Variants in MND1 observed in about 807,000 individuals in gnomAD.
MND1 encodes the protein meiotic nuclear divisions 1, also known as meiotic nuclear division protein 1 homolog.
A neutral mutation model predicts 35.1 loss-of-function variants in MND1; 28 were observed. That is an observed-to-expected ratio of 0.80 (90% CI 0.59 to 1.09). The LOEUF (loss-of-function observed/expected upper bound fraction) is 1.09, where lower values mean the gene tolerates loss of function less well. Among genes scored for constraint, MND1 ranks in the 50% least tolerant of loss-of-function variants. The pLI, the probability that MND1 is intolerant of heterozygous loss-of-function variation, is 0.00. For missense variants in MND1, 213 were observed against 239.6 expected, an observed-to-expected ratio of 0.89 and a Z score of 0.73; for synonymous variants, 69 against 70.5, an observed-to-expected ratio of 0.98 and a Z score of 0.11.
At chr4:153,371,759 A>C (rs183812680) in intron 4 of MND1, among the ~76,000 whole-genome samples, 78 of 152,190 alleles carry the variant, frequency 5.1e-4, no homozygotes, top group African/African-American at 1.8e-3. Context: ...CTAGATTAGC[A>C]CTTTTAATTT....
intron 4 of MND1, among the ~76,000 whole-genome samples, chr4:153,379,317 GAAGAA>G (rs1267024517): frequency 3.7e-4 from 49 of 131,532 alleles, no homozygotes; most frequent in African/African-American, 1.4e-3. Context: ...AGAAGAAGAA[GAAGAA>G]AAGAAAAAAA....
intron 4 of MND1, among the ~76,000 whole-genome samples, chr4:153,370,719 G>A (rs1364675265): frequency 1.3e-5 from 2 of 151,914 alleles, no homozygotes; most frequent in Non-Finnish European, 2.9e-5. Context: ...AGGGTTTCAC[G>A]ATGTTGGCCA....
chr4:153,397,384 C>T (rs1729226944), intron 6 of MND1, 51 bp downstream of exon 6: 1 of 1,316,906 alleles, frequency 7.6e-7, no homozygotes. Context: ...ATGAAGAAGA[C>T]TTTATTTTTC....
rs1227406575 is a variant in MND1 at position 153,397,110 on chromosome 4, A to G, written c.352-109A>G. 4 of 672,798 alleles carry G rather than the reference A, an allele frequency of 5.9e-6. No individual in the cohort carries two copies. The East Asian group carries it at 1.1e-4, about 19-fold the overall frequency. The allele number at this position is 672,798 out of a possible 1,614,324, so 41.7% of individuals were successfully genotyped here. A position where few individuals can be genotyped will look rare whatever the true frequency, so the allele number is the denominator to read the frequency against. On this transcript the variant is annotated intron_variant, in intron 5 of 7. Transcript: ENST00000240488. ...CTTATATATATAATGTCAAAAGTCT[A>G]ATGCACATCATTTATAAGAAATAAA...
At chr4:153,346,381 T>C (rs569889327) in intron 1 of MND1, among the ~76,000 whole-genome samples, 1 of 152,336 alleles carries the variant, frequency 6.6e-6, no homozygotes, top group African/African-American at 2.4e-5. Flanking sequence ...TTAAAATACT[T>C]CCAGAAAGCT....
At position 153,358,595 on chromosome 4, in the gene MND1, A is replaced by T; in HGVS notation, c.249A>T (p.Lys83Asn). Residue 83 changes from lysine (K) to asparagine (N), a missense_variant, in exon 4 of 8, where the codon AAA becomes AAT. Lys to Asn is a moderately conservative substitution (Grantham distance 94). Coordinates refer to ENST00000240488, the MANE Select transcript of MND1 (RefSeq NM_032117.4). ...AFPSKALHAR[K>N]HKLEVLESQL... ...CAAGTAAAGCTCTTCATGCAAGGAA[A>T]CATAAGTTGGAGGTTCTGGAATCTC... 6.2e-7 allele frequency: 1 copy of T among 1,613,068 alleles called. No individual in the cohort carries two copies. The highest frequency in any genetic ancestry group is 1.1e-5 in the South Asian group (1 of 90,816).
intron 3 of MND1, among the ~76,000 whole-genome samples, chr4:153,356,281 C>T (rs994841552): frequency 6.6e-5 from 10 of 152,062 alleles, no homozygotes; most frequent in African/African-American, 1.9e-4. Context: ...TTGGGCTGGG[C>T]GTGGTGGCTC....
At position 153,384,101 on chromosome 4, in the gene MND1, C is replaced by T. The variant is rs1392754944; in HGVS notation, c.277-10161C>T. Reference sequence around the variant, plus strand: ...CTGCGTAAGCCTTTGACTGTAGCCACGACCAAGTTCATTGTCCTGACACTG... The same window carrying T: ...CTGCGTAAGCCTTTGACTGTAGCCATGACCAAGTTCATTGTCCTGACACTG... On this transcript the variant is annotated intron_variant, in intron 4 of 7. Coordinates refer to ENST00000240488, the MANE Select transcript of MND1 (RefSeq NM_032117.4). 3.3e-5 allele frequency among the ~76,000 whole-genome samples: 5 copies of T among 152,222 alleles called. No homozygotes were observed. The South Asian group carries it at 6.2e-4, about 19-fold the overall frequency.
At chr4:153,398,040 G>C (rs534334923) in intron 6 of MND1, among the ~76,000 whole-genome samples, 1 of 152,276 alleles carries the variant, frequency 6.6e-6, no homozygotes, top group South Asian at 2.1e-4. Flanking sequence ...ACCATAAGTA[G>C]AAGAGTTTGC....
At chr4:153,359,535 C>G (rs1194345654) in intron 4 of MND1, among the ~76,000 whole-genome samples, 1 of 152,172 alleles carries the variant, frequency 6.6e-6, no homozygotes, top group Non-Finnish European at 1.5e-5. Flanking sequence ...ATTTTCAACA[C>G]ATTTAGTACC....
chr4:153,346,608 A>G (rs577525133), intron 1 of MND1, among the ~76,000 whole-genome samples: 3 of 152,300 alleles, frequency 2.0e-5, no homozygotes, highest in South Asian at 4.1e-4. Context: ...AATAATAGAA[A>G]TTATTTCTAG....
rs561818997 is a variant in MND1, at chr4:153,366,010, C to A, written c.276+7388C>A. On this transcript the variant is annotated intron_variant, in intron 4 of 7. Transcript: ENST00000240488. ...GGCCAGAAGTTAAAAATCAGTGTTACTAGGCCAAAATCAAAGTGTTGGCAC... is the reference window on the plus strand; with the variant it reads ...GGCCAGAAGTTAAAAATCAGTGTTAATAGGCCAAAATCAAAGTGTTGGCAC... Among the ~76,000 whole-genome samples the A allele has an allele frequency of 3.2e-3, 490 of 152,270 alleles. 6 individuals are homozygous for A. The highest frequency in any genetic ancestry group is 0.011 in the African/African-American group (475 of 41,542).
chr4:153,398,592 G>A (rs1198289185), intron 6 of MND1, among the ~76,000 whole-genome samples: 1 of 152,180 alleles, frequency 6.6e-6, no homozygotes, highest in African/African-American at 2.4e-5. Flanking sequence ...TAGTGCCACT[G>A]GTTCAGCTGA....
At chr4:153,405,312 G>A (rs957191267) in intron 6 of MND1, among the ~76,000 whole-genome samples, 2 of 152,106 alleles carry the variant, frequency 1.3e-5, no homozygotes, top group African/African-American at 4.8e-5. Context: ...AGCTGAGGCG[G>A]GTGGATCATG....
At chr4:153,380,804 A>C (rs1374843150) in intron 4 of MND1, among the ~76,000 whole-genome samples, 1 of 152,160 alleles carries the variant, frequency 6.6e-6, no homozygotes, top group Non-Finnish European at 1.5e-5. Flanking sequence ...AAATAAACTA[A>C]GATTTTTTTA....
intron 4 of MND1, among the ~76,000 whole-genome samples, chr4:153,386,390 G>A (rs1302618048): frequency 6.6e-6 from 1 of 151,764 alleles, no homozygotes; most frequent in Non-Finnish European, 1.5e-5. Context: ...CTAGCTACTC[G>A]GGAGGCTGGA....
chr4:153,387,836 C>A (rs1728910688), intron 4 of MND1, among the ~76,000 whole-genome samples: 1 of 150,582 alleles, frequency 6.6e-6, no homozygotes, highest in South Asian at 2.1e-4. Flanking sequence ...GGAAATATAA[C>A]CTTTTTTTTT....
intron 4 of MND1, among the ~76,000 whole-genome samples, chr4:153,370,872 ATTTAC>A (rs537423621): frequency 3.9e-5 from 6 of 152,038 alleles, no homozygotes; most frequent in Non-Finnish European, 8.8e-5. Flanking sequence ...AAGGTTTTCA[ATTTAC>A]TTTGCTCAGA....
chr4:153,391,749 C>CACACACACACACACACACACACAT (rs1169686789), intron 4 of MND1, among the ~76,000 whole-genome samples: 10 of 151,536 alleles, frequency 6.6e-5, no homozygotes, highest in African/African-American at 2.2e-4. Context: ...CACACACACA[C>CACACACACACACACACACACACAT]ATACATACAT....
Sources: allele counts gnomAD v4.1 joint callset (sites outside exome capture counted in the v4.1 genomes callset), GRCh38; gene constraint gnomAD v4.1.1; transcripts MANE v1.5; gene names NCBI Gene and HGNC (gene_info 2026-07-23, HGNC 2026-07-21).